EYS: variants seen among roughly 807,000 people sequenced by gnomAD.
EYS encodes EGF-like photoreceptor maintenance factor.
A neutral mutation model predicts 282.1 loss-of-function variants in EYS; 250 were observed. The observed-to-expected ratio is 0.89, with a 90% CI of 0.80 to 0.98. EYS has a LOEUF of 0.98. Among genes scored for constraint, EYS ranks in the 50% least tolerant of loss-of-function variants. The pLI, the probability that EYS is intolerant of heterozygous loss-of-function variation, is 0.00. For missense variants in EYS, 4,016 were observed against 3,709.0 expected (o/e 1.08, Z -2.15); for synonymous variants, 1,355 against 1,282.9 (o/e 1.06, Z -1.20).
chr6:64,819,699 G>C (rs1423549206), intron 21 of EYS, among the ~76,000 whole-genome samples: 1 of 151,812 alleles, frequency 6.6e-6, no homozygotes, highest in Non-Finnish European at 1.5e-5. Context: ...TCTTTGGAGA[G>C]CAGCAAAGCC....
At chr6:64,249,062 T>TGAAAAAA (rs1164977094) in intron 30 of EYS, among the ~76,000 whole-genome samples, 1 of 45,012 alleles carries the variant, frequency 2.2e-5, no homozygotes, top group African/African-American at 1.4e-4. Context: ...ACACCCTGTC[T>TGAAAAAA]CAAAAAAAAA....
At chr6:64,724,168 C>T (rs1046621971) in intron 22 of EYS, among the ~76,000 whole-genome samples, 5 of 151,934 alleles carry the variant, frequency 3.3e-5, no homozygotes, top group Admixed American at 3.3e-4. Context: ...CTGATTTAAG[C>T]GATTGTAGGT....
intron 33 of EYS, among the ~76,000 whole-genome samples, chr6:64,062,877 C>T (rs1771226835): frequency 6.6e-6 from 1 of 151,940 alleles, no homozygotes; most frequent in Non-Finnish European, 1.5e-5. Context: ...ATTAAAACTT[C>T]AAAGAGTTGT....
chr6:65,198,160 T>C (rs915434354), intron 12 of EYS, among the ~76,000 whole-genome samples: 1 of 151,590 alleles, frequency 6.6e-6, no homozygotes, highest in African/African-American at 2.4e-5. Context: ...ACACATTAGC[T>C]TAGACCTACA....
At chr6:64,342,932 A>T (rs1449270539) in intron 29 of EYS, among the ~76,000 whole-genome samples, 1 of 152,046 alleles carries the variant, frequency 6.6e-6, no homozygotes, top group East Asian at 1.9e-4. Context: ...CAGACTTTAA[A>T]CCAACAAACA....
intron 12 of EYS, among the ~76,000 whole-genome samples, chr6:65,077,140 C>G (rs1267306809): frequency 3.9e-5 from 6 of 152,038 alleles, no homozygotes; most frequent in Admixed American, 6.6e-5. Flanking sequence ...TCTGGAGTGC[C>G]TGATGTACTG....
Position 64,998,180 on chromosome 6 carries a change from C to A in EYS, c.2138-477G>T, listed in dbSNP as rs547610594. On this transcript the variant is annotated intron_variant, in intron 13 of 42. Transcript: ENST00000503581. The stretch of plus-strand genomic sequence containing the variant: ...CAAAGTTGATAATGAGCTACTTAAG[C>A]CTTAGTTAAAAAGAGCTTTCACGTT... Among the ~76,000 whole-genome samples the A allele has an allele frequency of 7.8e-4, 118 of 152,210 alleles. 1 individual carries two copies. The highest frequency in any genetic ancestry group is 2.7e-3 in the African/African-American group (113 of 41,528).
Position 65,005,237 on chromosome 6 carries a change from G to C in EYS, c.2138-7534C>G, listed in dbSNP as rs767825353. On this transcript the variant is annotated intron_variant, in intron 13 of 42. Transcript: ENST00000503581. ...ATTGCCACTCCCGATCGGGCTAAAG[G>C]CTTGCCATTGTTCCTGCACGGCTAA... Among the ~76,000 whole-genome samples the C allele has an allele frequency of 4.5e-4, 66 of 148,108 alleles. 2 individuals are homozygous for C. The highest frequency in any genetic ancestry group is 1.5e-3 in the African/African-American group (63 of 41,328).
intron 2 of EYS, among the ~76,000 whole-genome samples, chr6:65,540,654 C>A (rs1384349058): frequency 6.6e-6 from 1 of 152,150 alleles, no homozygotes; most frequent in Non-Finnish European, 1.5e-5. Flanking sequence ...TGCGGTGGCT[C>A]ACGCCTGTAA....
At chr6:65,292,330 G>A (rs981513594) in intron 12 of EYS, among the ~76,000 whole-genome samples, 6 of 151,696 alleles carry the variant, frequency 4.0e-5, no homozygotes, top group Non-Finnish European at 8.9e-5. Flanking sequence ...TATCCATGAG[G>A]TCTTAACAGA....
intron 19 of EYS, among the ~76,000 whole-genome samples, chr6:64,833,133 T>G (rs914958772): frequency 9.9e-5 from 15 of 151,942 alleles, no homozygotes; most frequent in African/African-American, 3.6e-4. Context: ...CCTTATTTCT[T>G]GTACTTCAAT....
intron 26 of EYS, among the ~76,000 whole-genome samples, chr6:64,557,576 A>T (rs970959780): frequency 6.6e-6 from 1 of 152,016 alleles, no homozygotes; most frequent in African/African-American, 2.4e-5. Flanking sequence ...ATATATTTTT[A>T]AAAAGGTTAA....
intron 30 of EYS, among the ~76,000 whole-genome samples, chr6:64,303,762 A>G (rs1029782220): frequency 6.9e-6 from 1 of 144,308 alleles, no homozygotes; most frequent in Non-Finnish European, 1.5e-5. Context: ...AATGGCGTGA[A>G]CCCGGGAGGC....
At chr6:64,255,648 T>C (rs955303002) in intron 30 of EYS, among the ~76,000 whole-genome samples, 2 of 152,048 alleles carry the variant, frequency 1.3e-5, no homozygotes, top group Non-Finnish European at 2.9e-5. Flanking sequence ...ATCATTACTA[T>C]ATTATAAGAA....
intron 16 of EYS, among the ~76,000 whole-genome samples, chr6:64,909,753 T>C (rs968416922): frequency 6.6e-6 from 1 of 151,800 alleles, no homozygotes; most frequent in Non-Finnish European, 1.5e-5. Flanking sequence ...GATTAGATTA[T>C]TTTTACTATA....
intron 12 of EYS, among the ~76,000 whole-genome samples, chr6:65,162,714 A>G (rs997552301): frequency 5.3e-5 from 8 of 150,838 alleles, no homozygotes; most frequent in East Asian, 3.9e-4. Context: ...AATCCTGATA[A>G]TTTTTCTTAT....
chr6:65,296,923 G>A (rs1428856450), intron 11 of EYS, among the ~76,000 whole-genome samples: 1 of 147,288 alleles, frequency 6.8e-6, no homozygotes, highest in Non-Finnish European at 1.5e-5. Context: ...CAAAAGTGGG[G>A]ATATTTTTCT....
intron 29 of EYS, among the ~76,000 whole-genome samples, chr6:64,334,488 GC>G (rs1439394208): frequency 1.3e-5 from 2 of 152,082 alleles, no homozygotes; most frequent in Non-Finnish European, 2.9e-5. Flanking sequence ...ATAATGAATG[GC>G]CCCCTGAAAG....
At chr6:64,120,272 C>T (rs1773534693) in intron 31 of EYS, among the ~76,000 whole-genome samples, 1 of 142,626 alleles carries the variant, frequency 7.0e-6, no homozygotes, top group South Asian at 2.3e-4. Context: ...GAGAGAATGG[C>T]GTGAACCCAG....
Sources: allele counts gnomAD v4.1 joint callset (sites outside exome capture counted in the v4.1 genomes callset), GRCh38; gene constraint gnomAD v4.1.1; transcripts MANE v1.5; gene names NCBI Gene and HGNC (gene_info 2026-07-23, HGNC 2026-07-21).